Variants in INTS8 observed in about 807,000 individuals in gnomAD.
INTS8 encodes protein kaonashi-1.
Under a neutral mutation model 138.9 loss-of-function variants are expected in INTS8, and 47 were observed. The observed-to-expected ratio is 0.34, with a 90% CI of 0.27 to 0.43. The LOEUF is 0.43. INTS8 is among the 20% of genes least tolerant of loss of function. The pLI, the probability that INTS8 is intolerant of heterozygous loss-of-function variation, is 1.00. For missense variants in INTS8, 996 were observed against 1,173.0 expected, an observed-to-expected ratio of 0.85 and a Z score of 2.20; for synonymous variants, 392 against 400.9, an observed-to-expected ratio of 0.98 and a Z score of 0.27.
chr8:94,826,386 A>C (rs1486775088), intron 2 of INTS8, among the ~76,000 whole-genome samples: 2 of 151,984 alleles, frequency 1.3e-5, no homozygotes, highest in Non-Finnish European at 2.9e-5. Context: ...GGTTGACGCC[A>C]TTCTCCTGCC....
intron 8 of INTS8, among the ~76,000 whole-genome samples, chr8:94,840,792 C>T (rs933857549): frequency 1.1e-4 from 17 of 152,016 alleles, no homozygotes; most frequent in Admixed American, 8.5e-4. Context: ...TTCCTGACCT[C>T]GTGATCCACC....
chr8:94,855,911 A>G (rs1231319207), intron 14 of INTS8, among the ~76,000 whole-genome samples: 1 of 152,344 alleles, frequency 6.6e-6, no homozygotes, highest in Admixed American at 6.5e-5. Context: ...GTTTATTTTT[A>G]CAATTTTAAT....
chr8:94,836,431 CTG>C (rs2131006568), intron 6 of INTS8, 91 bp from the exon 7 acceptor site: 3 of 901,628 alleles, frequency 3.3e-6, no homozygotes, highest in East Asian at 2.5e-5. Context: ...GTCTTTTTTT[CTG>C]TGTTTTCGTG....
rs572127667 is a variant in INTS8 at position 94,842,460 on chromosome 8, A to G, written c.1232A>G (p.Asn411Ser). The G allele has an allele frequency of 2.3e-5, 37 of 1,603,914 alleles. 2 individuals are homozygous for G. The East Asian group carries it at 6.9e-4, about 30-fold the overall frequency. ...VQFNQLFLRPNKEKIDFLLEV... is the reference protein window; with the variant it reads ...VQFNQLFLRPSKEKIDFLLEV... ...TTTAACCAGCTATTTCTTAGACCAA[A>G]TAAAGAGAAAATAGACTTTCTTCTT... The change falls in exon 10 of 27, where the codon AAT becomes AGT. Residue 411 changes from asparagine (N) to serine (S), a missense_variant. Coordinates refer to ENST00000523731, the MANE Select transcript of INTS8 (RefSeq NM_017864.4).
At chr8:94,879,108 G>T (rs1816688715) in intron 26 of INTS8, among the ~76,000 whole-genome samples, 1 of 152,076 alleles carries the variant, frequency 6.6e-6, no homozygotes, top group African/African-American at 2.4e-5. Flanking sequence ...GGTTTTTATA[G>T]CCAGTTATCT....
chr8:94,865,753 A>G (rs1816156802), intron 17 of INTS8, 63 bp downstream of exon 17: 6 of 1,373,720 alleles, frequency 4.4e-6, no homozygotes, highest in Non-Finnish European at 6.1e-6. Flanking sequence ...TATTTATACT[A>G]TTAACCTATT....
rs951602276 is a variant in INTS8 at position 94,840,038 on chromosome 8, A to G, written c.1017+1420A>G. Among the ~76,000 whole-genome samples the G allele has an allele frequency of 2.0e-5, 3 of 152,246 alleles. No homozygotes were observed. In the East Asian group the frequency reaches 5.8e-4, roughly 29 times the overall value. ...TCCACAAAAATCAGAAAATAGTGTAATGGGTAGCTAAGACGGGGAAAATAG... is the reference window on the plus strand; with the variant it reads ...TCCACAAAAATCAGAAAATAGTGTAGTGGGTAGCTAAGACGGGGAAAATAG... On this transcript the variant is annotated intron_variant, in intron 8 of 26. Transcript: ENST00000523731.
intron 7 of INTS8, among the ~76,000 whole-genome samples, chr8:94,838,069 C>T (rs1272020497): frequency 1.1e-4 from 15 of 141,860 alleles, no homozygotes; most frequent in Admixed American, 7.3e-5. Context: ...TTTCCTGGGA[C>T]GGAGTCTCGC....
chr8:94,824,913 A>C lies in INTS8; in HGVS notation c.151A>C (p.Ile51Leu). Residue 51 changes from isoleucine (I) to leucine (L), a missense_variant, in exon 2 of 27, where the codon ATA becomes CTA. Transcript: ENST00000523731. ...CCTAGATCCTGCACCAGTTCAACTT[A>C]TAGTTCAGTTTTTGGAACAGGCTTC... ...PCPDPAPVQL[I>L]VQFLEQASKP... 6.2e-7 allele frequency: 1 copy of C among 1,610,910 alleles called. No homozygotes were observed. Among genetic ancestry groups the C allele is most frequent in the African/African-American group, 1.3e-5 (1 of 74,762 alleles).
intron 10 of INTS8, 46 bp from the exon 11 acceptor site, chr8:94,849,416 T>A: frequency 1.0e-6 from 1 of 953,076 alleles, no homozygotes; most frequent in Non-Finnish European, 1.6e-6. Flanking sequence ...ATAATTTACA[T>A]TTTTATAAGT....
At chr8:94,856,722 A>G (rs1815759625) in intron 14 of INTS8, 55 bp from the exon 15 acceptor site, 7 of 1,443,106 alleles carry the variant, frequency 4.9e-6, no homozygotes, top group South Asian at 1.2e-5. Context: ...ATAAAGGCAC[A>G]CATTTTTTGG....
chr8:94,851,832 A>G lies in INTS8; in HGVS notation c.1641+146A>G, dbSNP rs540374210. On this transcript the variant is annotated intron_variant, in intron 13 of 26. Transcript: ENST00000523731. ...TTCATATGAACATAATTGCATTTTT[A>G]ACATCCATTGACAGAGAAAATAGGA... is the stretch of plus-strand genomic sequence containing the variant. 127 of 535,778 alleles carry G rather than the reference A, an allele frequency of 2.4e-4. No individual in the cohort carries two copies. The African/African-American group carries it at 2.5e-3, about 10-fold the overall frequency. The allele number at this position is 535,778 out of a possible 1,614,324, so 33.2% of individuals were successfully genotyped here.
In INTS8 at chr8:94,827,326, T is replaced by C. The variant is rs536512408; in HGVS notation, c.369T>C (p.Pro123=). 2 of 1,613,816 alleles carry C rather than the reference T, an allele frequency of 1.2e-6. No individual in the cohort carries two copies. The highest frequency in any genetic ancestry group is 1.1e-5 in the South Asian group (1 of 91,084). Residue 123 remains proline (P), a synonymous_variant, in exon 3 of 27, where the codon CCT becomes CCC. Transcript: ENST00000523731. ...NELLCISKVP[P]GTKHVDMDLA... ...TACTCTGCATCAGTAAAGTTCCTCC[T>C]GGGACAAAGCATGTAGACATGGATC... is the stretch of plus-strand genomic sequence containing the variant.
chr8:94,844,227 CAG>C (rs751381417), intron 10 of INTS8, among the ~76,000 whole-genome samples: 6 of 151,872 alleles, frequency 4.0e-5, no homozygotes, highest in Non-Finnish European at 8.8e-5. Flanking sequence ...TTAGTAGAGA[CAG>C]GGTTTTGCCA....
intron 9 of INTS8, 25 bp from the exon 10 acceptor site, chr8:94,842,322 G>T: frequency 1.4e-6 from 2 of 1,478,096 alleles, no homozygotes; most frequent in South Asian, 2.5e-5. Context: ...AATAACATTA[G>T]TTGATCTACT....
chr8:94,856,665 CAACGTT>C, intron 14 of INTS8, 106 bp from the exon 15 acceptor site: 1 of 831,810 alleles, frequency 1.2e-6, no homozygotes, highest in Non-Finnish European at 2.0e-6. Context: ...CTGAGAAAAG[CAACGTT>C]AACCATTTGA....
chr8:94,880,765 A>T lies in INTS8; in HGVS notation c.*531A>T, dbSNP rs930782375. The stretch of plus-strand genomic sequence containing the variant: ...AATAAAGCCTTAGTCACACTAAATT[A>T]AAAAAAAAAATTCCTTAGGGATATC... On this transcript the variant is annotated 3_prime_UTR_variant, in exon 27 of 27. Transcript: ENST00000523731. The T allele has an allele frequency of 1.6e-5, 4 of 257,008 alleles. No homozygotes were observed. The highest frequency in any genetic ancestry group is 2.3e-5 in the African/African-American group (1 of 44,022). The allele number at this position is 257,008 out of a possible 1,614,324, so 15.9% of individuals were successfully genotyped here.
At chr8:94,858,193 T>C (rs915169838) in intron 15 of INTS8, among the ~76,000 whole-genome samples, 5 of 152,234 alleles carry the variant, frequency 3.3e-5, no homozygotes, top group African/African-American at 1.2e-4. Flanking sequence ...CTGTACACAT[T>C]TAATAGTATA....
At chr8:94,847,311 G>T (rs555909870) in intron 10 of INTS8, among the ~76,000 whole-genome samples, 1 of 152,252 alleles carries the variant, frequency 6.6e-6, no homozygotes, top group South Asian at 2.1e-4. Flanking sequence ...CAAAGTGCCT[G>T]GATTACAGGT....
Sources: gnomAD v4.1 joint callset for allele counts (sites outside exome capture counted in the v4.1 genomes callset) on GRCh38, gnomAD v4.1.1 for gene constraint, MANE v1.5 for transcripts, NCBI Gene and HGNC (gene_info 2026-07-23, HGNC 2026-07-21) for gene names.